The following TMEM65 variants were observed in gnomAD, a reference collection of about 807,000 sequenced individuals.
TMEM65 encodes transmembrane protein 65.
A neutral mutation model predicts 25.4 loss-of-function variants in TMEM65; 22 were observed. The ratio of observed to expected loss-of-function variants is 0.86; its 90% CI spans 0.62 to 1.23. The LOEUF is 1.23. Ranked by LOEUF, TMEM65 falls within the 50% of genes most tolerant of loss-of-function variation. The pLI is 0.00. For missense variants in TMEM65, 262 were observed against 308.2 expected (o/e 0.85, Z 1.12); for synonymous variants, 132 against 126.2 (o/e 1.05, Z -0.31).
At chr8:124,371,798 G>A (rs1815018482) in intron 1 of TMEM65, 56 bp downstream of exon 1, 1 of 1,464,522 alleles carries the variant, frequency 6.8e-7, no homozygotes, top group Non-Finnish European at 9.0e-7. Flanking sequence ...CGGTGGGCTG[G>A]CGAGAAGAGG....
At position 124,313,342 on chromosome 8, in the gene TMEM65, AC is replaced by A. The variant is rs1814190143; in HGVS notation, c.*617del. On this transcript the variant is annotated 3_prime_UTR_variant, in exon 7 of 7. Coordinates refer to ENST00000297632, the MANE Select transcript of TMEM65 (RefSeq NM_194291.3). ...ACCACATAATTGCTCTTTGTGATTA[AC>A]CCTCTGGCCCTTAAAATAGTAAAGT... The A allele has an allele frequency of 6.6e-6, 1 of 152,016 alleles. No individual in the cohort carries two copies. Among genetic ancestry groups the A allele is most frequent in the South Asian group, 2.1e-4 (1 of 4,832 alleles). The allele number at this position is 152,016 out of a possible 1,614,324, so 9.4% of individuals were successfully genotyped here.
In TMEM65 at chr8:124,359,398, C is replaced by A. The variant is rs891382954; in HGVS notation, c.304+12456G>T. Among the ~76,000 whole-genome samples, 3 of 152,124 alleles carry A rather than the reference C, an allele frequency of 2.0e-5. No homozygotes were observed. The East Asian group carries it at 5.8e-4, about 29-fold the overall frequency. On this transcript the variant is annotated intron_variant, in intron 1 of 6. Transcript: ENST00000297632. ...TGAGGAATCCTCAATTAGTCTCATC[C>A]AACGATGTCTATTGATGTGCAGAAG...
At chr8:124,335,593 T>C (rs1285853285) in intron 1 of TMEM65, among the ~76,000 whole-genome samples, 2 of 152,088 alleles carry the variant, frequency 1.3e-5, no homozygotes, top group Non-Finnish European at 2.9e-5. Context: ...GGGCAGTAAA[T>C]GGACTGATTT....
chr8:124,354,449 C>T (rs1338008906), intron 1 of TMEM65, among the ~76,000 whole-genome samples: 2 of 152,264 alleles, frequency 1.3e-5, no homozygotes, highest in African/African-American at 4.8e-5. Context: ...CAATGTGGTA[C>T]ATAATCTGAT....
intron 1 of TMEM65, among the ~76,000 whole-genome samples, chr8:124,352,983 C>T (rs1275166434): frequency 1.3e-5 from 2 of 151,954 alleles, no homozygotes; most frequent in Admixed American, 6.6e-5. Flanking sequence ...AAAAATTAGC[C>T]GGGCATGGTA....
intron 1 of TMEM65, among the ~76,000 whole-genome samples, chr8:124,353,081 C>T (rs1485586967): frequency 6.6e-6 from 1 of 151,716 alleles, no homozygotes; most frequent in South Asian, 2.1e-4. Flanking sequence ...GAGCTGAGGT[C>T]GCACCACTGC....
At chr8:124,320,482 C>G (rs1468406028) in intron 5 of TMEM65, among the ~76,000 whole-genome samples, 1 of 151,984 alleles carries the variant, frequency 6.6e-6, no homozygotes, top group Non-Finnish European at 1.5e-5. Context: ...AATGACAGAG[C>G]AAGTATTCTC....
intron 1 of TMEM65, among the ~76,000 whole-genome samples, chr8:124,343,804 T>A (rs1399277724): frequency 1.3e-5 from 2 of 152,168 alleles, no homozygotes; most frequent in African/African-American, 4.8e-5. Flanking sequence ...CAAGATAATG[T>A]GATAATTAAG....
At chr8:124,363,849 A>AC (rs1814904610) in intron 1 of TMEM65, among the ~76,000 whole-genome samples, 1 of 149,286 alleles carries the variant, frequency 6.7e-6, no homozygotes, top group Non-Finnish European at 1.5e-5. Context: ...AAAAAAAAAA[A>AC]AAAAAAAAAA....
chr8:124,320,411 AT>A lies in TMEM65; in HGVS notation c.516-221del, dbSNP rs1269103821. On this transcript the variant is annotated intron_variant, in intron 5 of 6. Transcript: ENST00000297632. ...ACATAAACATTCTTTACAACTTTTAATTTTTATTGCATATATTGTTTAAAAA... is the reference window on the plus strand; with the variant it reads ...ACATAAACATTCTTTACAACTTTTAATTTTATTGCATATATTGTTTAAAAA... Among the ~76,000 whole-genome samples the A allele has an allele frequency of 2.6e-5, 4 of 152,306 alleles. No individual in the cohort carries two copies. The South Asian group carries it at 6.2e-4, about 24-fold the overall frequency.
At chr8:124,339,538 T>C (rs1814560223) in intron 1 of TMEM65, among the ~76,000 whole-genome samples, 1 of 152,020 alleles carries the variant, frequency 6.6e-6, no homozygotes, top group African/African-American at 2.4e-5. Flanking sequence ...GTTTTTCTTT[T>C]AGCAATTTGG....
rs1814101508 is a variant in TMEM65 at position 124,307,233 on chromosome 8, C to G, written c.*6727G>C. On this transcript the variant is annotated 3_prime_UTR_variant, in exon 7 of 7. Transcript: ENST00000297632. ...TGTGTATCGTAGTAAAAAGTGATCT[C>G]TCATGGTTCTCAGTTATTTTTCATC... 1 of 152,184 alleles carries G rather than the reference C, an allele frequency of 6.6e-6. No individual in the cohort carries two copies. The highest frequency in any genetic ancestry group is 6.5e-5 in the Admixed American group (1 of 15,278). The allele number at this position is 152,184 out of a possible 1,614,324, so 9.4% of individuals were successfully genotyped here. A position where few individuals can be genotyped will look rare whatever the true frequency, so the allele number is the denominator to read the frequency against.
chr8:124,312,894 A>G lies in TMEM65; in HGVS notation c.*1066T>C, dbSNP rs2131190466. On this transcript the variant is annotated 3_prime_UTR_variant, in exon 7 of 7. Transcript: ENST00000297632. ...ATTATTCATAAATAAAATTCACTAA[A>G]TAAGATATAATGAGATTAGGAGTAT... 1 of 151,996 alleles carries G rather than the reference A, an allele frequency of 6.6e-6. No homozygotes were observed. Among genetic ancestry groups the G allele is most frequent in the African/African-American group, 2.4e-5 (1 of 41,562 alleles). The allele number at this position is 151,996 out of a possible 1,614,324, so 9.4% of individuals were successfully genotyped here. A position where few individuals can be genotyped will look rare whatever the true frequency, so the allele number is the denominator to read the frequency against.
intron 1 of TMEM65, among the ~76,000 whole-genome samples, chr8:124,356,369 G>A (rs1814781327): frequency 6.6e-6 from 1 of 151,972 alleles, no homozygotes; most frequent in African/African-American, 2.4e-5. Flanking sequence ...ATCTTCAGAG[G>A]GCAAAGGAGT....
chr8:124,351,518 C>T (rs1360692858), intron 1 of TMEM65, among the ~76,000 whole-genome samples: 1 of 152,122 alleles, frequency 6.6e-6, no homozygotes, highest in Non-Finnish European at 1.5e-5. Flanking sequence ...CAGTGCTAGT[C>T]TTCTCATATA....
At chr8:124,340,075 G>A (rs1814567111) in intron 1 of TMEM65, among the ~76,000 whole-genome samples, 1 of 152,074 alleles carries the variant, frequency 6.6e-6, no homozygotes, top group Non-Finnish European at 1.5e-5. Flanking sequence ...CTTCTTTACA[G>A]AAGGCAAGTA....
In TMEM65 at chr8:124,372,187, C is replaced by T. The variant is rs1035135854; in HGVS notation, c.-30G>A. 1 of 1,286,250 alleles carries T rather than the reference C, an allele frequency of 7.8e-7. No homozygotes were observed. Among genetic ancestry groups the T allele is most frequent in the South Asian group, 1.6e-5 (1 of 62,782 alleles). 79.7% of individuals were successfully genotyped at this position (1,286,250 alleles called of 1,614,324 possible). On this transcript the variant is annotated 5_prime_UTR_variant, in exon 1 of 7. Transcript: ENST00000297632. ...AGCTGAGGAGCTGGGACCCCCGCGG[C>T]CGTCCGGCAAGGCGGTTTCTGGCGC...
chr8:124,323,594 G>A (rs1814332628), intron 3 of TMEM65, among the ~76,000 whole-genome samples: 2 of 151,472 alleles, frequency 1.3e-5, no homozygotes, highest in South Asian at 4.2e-4. Context: ...ATTCAAATTA[G>A]GCTTCTAAAA....
At chr8:124,343,368 C>T (rs1184691594) in intron 1 of TMEM65, among the ~76,000 whole-genome samples, 1 of 152,086 alleles carries the variant, frequency 6.6e-6, no homozygotes, top group South Asian at 2.1e-4. Context: ...GGTTTAAATG[C>T]AAGATGCCAA....
Sources: gnomAD v4.1 joint callset for allele counts (sites outside exome capture counted in the v4.1 genomes callset) on GRCh38, gnomAD v4.1.1 for gene constraint, MANE v1.5 for transcripts, NCBI Gene and HGNC (gene_info 2026-07-23, HGNC 2026-07-21) for gene names.